The following KCTD8 variants were observed in gnomAD, a reference collection of about 807,000 sequenced individuals.
KCTD8 encodes the protein potassium channel tetramerization domain containing 8, also known as BTB/POZ domain-containing protein KCTD8.
KCTD8 carries 27 observed loss-of-function variants against 31.5 expected under a neutral mutation model. That is an observed-to-expected ratio of 0.86 (90% CI 0.63 to 1.18). The LOEUF is 1.18. KCTD8 is among the 50% of genes most tolerant of loss of function. KCTD8 has a pLI of 0.00. For synonymous variants in KCTD8, 290 were observed against 280.0 expected, an observed-to-expected ratio of 1.04 and a Z score of -0.36; for missense variants, 658 against 647.7, an observed-to-expected ratio of 1.02 and a Z score of -0.17.
chr4:44,448,631 G>C lies in KCTD8; in HGVS notation c.-108C>G. On this transcript the variant is annotated 5_prime_UTR_variant, in exon 1 of 2. Coordinates refer to ENST00000360029, the MANE Select transcript of KCTD8 (RefSeq NM_198353.3). The surrounding 1 kb of genome is among the most constrained non-coding windows in gnomAD (Gnocchi z 4.1). ...CCTGGCGCTCTGCGCCCTCGGACTG[G>C]GCGGCGCGTTCCTCCGACCGGGGCG... The C allele has an allele frequency of 8.3e-7, 1 of 1,199,052 alleles. No homozygotes were observed. Among genetic ancestry groups the C allele is most frequent in the African/African-American group, 1.6e-5 (1 of 63,176 alleles). The allele number at this position is 1,199,052 out of a possible 1,614,324, so 74.3% of individuals were successfully genotyped here.
intron 1 of KCTD8, among the ~76,000 whole-genome samples, chr4:44,401,021 T>A (rs1720639055): frequency 7.1e-6 from 1 of 141,036 alleles, no homozygotes; most frequent in Admixed American, 7.1e-5. Context: ...CTTTTTTTTT[T>A]TTTTTTTTTT....
intron 1 of KCTD8, among the ~76,000 whole-genome samples, chr4:44,391,017 G>A (rs778856400): frequency 9.9e-5 from 15 of 151,866 alleles, no homozygotes; most frequent in Non-Finnish European, 1.6e-4. Flanking sequence ...ATGAAATAAC[G>A]GCATTTGCAG....
intron 1 of KCTD8, among the ~76,000 whole-genome samples, chr4:44,309,210 AT>A (rs931837236): frequency 6.1e-4 from 88 of 144,346 alleles, no homozygotes; most frequent in African/African-American, 5.1e-4. Flanking sequence ...TAATTTTTGT[AT>A]TTTTTTTTTT....
At chr4:44,198,092 G>C (rs2109337949) in intron 1 of KCTD8, among the ~76,000 whole-genome samples, 1 of 152,122 alleles carries the variant, frequency 6.6e-6, no homozygotes, top group South Asian at 2.1e-4. Flanking sequence ...AACTCAGTCA[G>C]ACAAAAGTAA....
intron 1 of KCTD8, among the ~76,000 whole-genome samples, chr4:44,204,508 T>G (rs1255307152): frequency 6.6e-6 from 1 of 152,144 alleles, no homozygotes; most frequent in Non-Finnish European, 1.5e-5. Flanking sequence ...ATGTACCCCC[T>G]GCTTCCTCAA....
In KCTD8 at chr4:44,336,699, C is replaced by T. The variant is rs555609830; in HGVS notation, c.961+110864G>A. 2.0e-4 allele frequency among the ~76,000 whole-genome samples: 31 copies of T among 152,130 alleles called. No individual in the cohort carries two copies. The South Asian group carries it at 6.4e-3, about 31-fold the overall frequency. ...GAAACTGAAAAAATCAGCAACTTTT[C>T]TCTGTACCAGTAACAGTTAGAAAAT... On this transcript the variant is annotated intron_variant, in intron 1 of 1. Coordinates refer to ENST00000360029, the MANE Select transcript of KCTD8 (RefSeq NM_198353.3).
At chr4:44,439,485 T>C (rs1193319160) in intron 1 of KCTD8, among the ~76,000 whole-genome samples, 3 of 152,210 alleles carry the variant, frequency 2.0e-5, no homozygotes, top group Non-Finnish European at 4.4e-5. Flanking sequence ...CAGTTAGGAA[T>C]CATGAAGCTG....
At chr4:44,397,945 A>G (rs78226759) in intron 1 of KCTD8, among the ~76,000 whole-genome samples, 10,431 of 152,172 alleles carry the variant, frequency 0.069, 432 homozygotes, top group South Asian at 0.11. Flanking sequence ...TACTTTTTTT[A>G]AAAAAACAAA....
intron 1 of KCTD8, among the ~76,000 whole-genome samples, chr4:44,204,933 A>C (rs1206626105): frequency 6.6e-6 from 1 of 152,192 alleles, no homozygotes; most frequent in Admixed American, 6.5e-5. Flanking sequence ...TTAATTTTCT[A>C]AAATATAGAA....
chr4:44,353,995 A>C (rs927224309), intron 1 of KCTD8, among the ~76,000 whole-genome samples: 1 of 152,096 alleles, frequency 6.6e-6, no homozygotes, highest in Non-Finnish European at 1.5e-5. Flanking sequence ...ATATTTTTTT[A>C]AAAATCTAGT....
intron 1 of KCTD8, among the ~76,000 whole-genome samples, chr4:44,404,516 C>T (rs191912328): frequency 6.6e-6 from 1 of 152,174 alleles, no homozygotes; most frequent in Admixed American, 6.6e-5. Flanking sequence ...TCATCATTTC[C>T]TAATGGGACA....
At chr4:44,230,424 G>A (rs1008596348) in intron 1 of KCTD8, among the ~76,000 whole-genome samples, 1 of 152,056 alleles carries the variant, frequency 6.6e-6, no homozygotes, top group South Asian at 2.1e-4. Flanking sequence ...AATGTTTAAA[G>A]TAATACTTAT....
At chr4:44,410,932 A>C (rs1235759909) in intron 1 of KCTD8, among the ~76,000 whole-genome samples, 1 of 152,160 alleles carries the variant, frequency 6.6e-6, no homozygotes, top group Non-Finnish European at 1.5e-5. Context: ...GTTCTGTAAA[A>C]TAACAAGTAT....
intron 1 of KCTD8, among the ~76,000 whole-genome samples, chr4:44,434,508 A>G (rs1721595165): frequency 1.3e-5 from 2 of 152,028 alleles, no homozygotes; most frequent in African/African-American, 4.8e-5. Context: ...GGTTTACTCG[A>G]GAACACTCCT....
In KCTD8 at chr4:44,212,543, C is replaced by CA. The variant is rs1244740926; in HGVS notation, c.962-37294dup. Among the ~76,000 whole-genome samples, 3 of 152,250 alleles carry CA rather than the reference C, an allele frequency of 2.0e-5. No individual in the cohort carries two copies. In the East Asian group the frequency reaches 5.8e-4, roughly 29 times the overall value. On this transcript the variant is annotated intron_variant, in intron 1 of 1. Coordinates refer to ENST00000360029, the MANE Select transcript of KCTD8 (RefSeq NM_198353.3). ...CCAAGAATTCTAGATTTTCAATCAA[C>CA]ATTTGGTTGGAAAAATCCGCTATGT...
intron 1 of KCTD8, among the ~76,000 whole-genome samples, chr4:44,295,037 A>G (rs2109387880): frequency 6.6e-6 from 1 of 152,300 alleles, no homozygotes; most frequent in Non-Finnish European, 1.5e-5. Flanking sequence ...TGATGCCTGT[A>G]ATCTCAGCAC....
At chr4:44,204,876 T>C (rs1316005074) in intron 1 of KCTD8, among the ~76,000 whole-genome samples, 1 of 152,038 alleles carries the variant, frequency 6.6e-6, no homozygotes, top group African/African-American at 2.4e-5. Context: ...GGAAAACTCA[T>C]AAGAGAGTTT....
At chr4:44,206,090 AT>A (rs931890045) in intron 1 of KCTD8, among the ~76,000 whole-genome samples, 6 of 151,386 alleles carry the variant, frequency 4.0e-5, no homozygotes, top group South Asian at 2.1e-4. Flanking sequence ...TAGATTATTT[AT>A]TTTTTTTTAA....
intron 1 of KCTD8, among the ~76,000 whole-genome samples, chr4:44,350,439 T>A (rs573802003): frequency 5.9e-5 from 9 of 152,320 alleles, no homozygotes; most frequent in Admixed American, 1.3e-4. Context: ...TGGTTTCATG[T>A]ACACCTATAA....
Sources: gnomAD v4.1 joint callset for allele counts (sites outside exome capture counted in the v4.1 genomes callset) on GRCh38, gnomAD v4.1.1 for gene constraint, Gnocchi (gnomAD v3.1) non-coding constraint, MANE v1.5 for transcripts, NCBI Gene and HGNC (gene_info 2026-07-23, HGNC 2026-07-21) for gene names.